Variants in ZNRF1 observed in about 807,000 individuals in gnomAD.
The protein encoded by ZNRF1 is zinc and ring finger 1.
ZNRF1 carries 3 observed loss-of-function variants against 18.4 expected under a neutral mutation model. The ratio of observed to expected loss-of-function variants is 0.16; its 90% confidence interval spans 0.07 to 0.42. The LOEUF (loss-of-function observed/expected upper bound fraction) is 0.42. Ranked by LOEUF, ZNRF1 falls within the 10% of genes least tolerant of loss-of-function variation. The probability of loss-of-function intolerance (pLI) is 0.99; values close to 1 mark genes in which losing one functional copy is unlikely to be tolerated. For synonymous variants in ZNRF1, 157 were observed against 144.2 expected, an observed-to-expected ratio of 1.09 and a Z score of -0.64; for missense variants, 310 against 329.8, an observed-to-expected ratio of 0.94 and a Z score of 0.47.
chr16:75,013,386 C>T (rs753936070), intron 1 of ZNRF1, among the ~76,000 whole-genome samples: 27 of 150,682 alleles, frequency 1.8e-4, no homozygotes, highest in Admixed American at 9.3e-4. Flanking sequence ...CTCACTCTGT[C>T]GCCAGGCTGG....
intron 1 of ZNRF1, among the ~76,000 whole-genome samples, chr16:75,004,552 C>G (rs922541574): frequency 1.3e-4 from 20 of 152,196 alleles, no homozygotes; most frequent in Admixed American, 1.2e-3. Flanking sequence ...AAAGTCTAAA[C>G]TGTTCTTTAT....
chr16:75,072,281 T>G (rs1336669564), intron 1 of ZNRF1, among the ~76,000 whole-genome samples: 2 of 152,126 alleles, frequency 1.3e-5, no homozygotes, highest in African/African-American at 2.4e-5. Context: ...CTGCTTATCT[T>G]TTAGTCTCAG....
chr16:75,072,413 C>A (rs981208090), intron 1 of ZNRF1, among the ~76,000 whole-genome samples: 2 of 152,154 alleles, frequency 1.3e-5, no homozygotes, highest in Non-Finnish European at 2.9e-5. Context: ...TTGTCCCTGT[C>A]GTAATGCTGA....
intron 1 of ZNRF1, among the ~76,000 whole-genome samples, chr16:75,005,994 T>G (rs774402682): frequency 9.2e-5 from 14 of 152,216 alleles, no homozygotes; most frequent in African/African-American, 3.1e-4. Context: ...GTGCAACATG[T>G]GACTGTATTG....
At position 75,109,710 on chromosome 16, in the gene ZNRF1, A is replaced by G. The variant is rs985239122; in HGVS notation, c.*2010A>G. On this transcript the variant is annotated 3_prime_UTR_variant, in exon 5 of 5. Coordinates refer to ENST00000335325, the MANE Select transcript of ZNRF1 (RefSeq NM_032268.5). ...AGAATGATCTTGGGGAAACGACTTC[A>G]TCTGAACTTCAGATATTTCACATGT... 6.6e-6 allele frequency: 1 copy of G among 152,366 alleles called. No individual in the cohort carries two copies. Among genetic ancestry groups the G allele is most frequent in the Non-Finnish European group, 1.5e-5 (1 of 68,106 alleles). 9.4% of individuals were successfully genotyped at this position (152,366 alleles called of 1,614,324 possible).
Position 75,000,118 on chromosome 16 carries a change from C to T in ZNRF1, c.424+23C>T, listed in dbSNP as rs774711905. ...GTGGTGAGTCCGCGGGTGGTGGAGG[C>T]CTCGGAGGGAGGGCGCGCCGGGGCG... On this transcript the variant is annotated intron_variant, in intron 1 of 4. Transcript: ENST00000335325. The T allele has an allele frequency of 2.1e-5, 33 of 1,588,634 alleles. No individual in the cohort carries two copies. The Admixed American group carries it at 3.7e-4, about 18-fold the overall frequency.
chr16:75,007,296 C>G (rs139688026), intron 1 of ZNRF1, among the ~76,000 whole-genome samples: 1 of 152,036 alleles, frequency 6.6e-6, no homozygotes, highest in Non-Finnish European at 1.5e-5. Context: ...CTCAAGCGAT[C>G]CTCCTGCCTC....
intron 1 of ZNRF1, among the ~76,000 whole-genome samples, chr16:75,088,357 A>G (rs1253070703): frequency 3.3e-5 from 5 of 152,218 alleles, no homozygotes. Flanking sequence ...TTAAAAGGTC[A>G]TCTGCAGATT....
At chr16:75,017,222 C>T in intron 1 of ZNRF1, among the ~76,000 whole-genome samples, 1 of 152,018 alleles carries the variant, frequency 6.6e-6, no homozygotes, top group East Asian at 1.9e-4. Flanking sequence ...TTAGAATCAG[C>T]TTTGTTAACT....
chr16:75,060,117 G>C (rs903831215), intron 1 of ZNRF1, among the ~76,000 whole-genome samples: 3 of 151,894 alleles, frequency 2.0e-5, no homozygotes, highest in Admixed American at 2.0e-4. Context: ...GCAGTGACAC[G>C]ATCTCGGCTC....
chr16:75,044,808 G>C (rs1278213549), intron 1 of ZNRF1, among the ~76,000 whole-genome samples: 1 of 152,196 alleles, frequency 6.6e-6, no homozygotes, highest in Non-Finnish European at 1.5e-5. Flanking sequence ...AATGAACCAT[G>C]AATGGAATTC....
At chr16:75,054,604 A>G (rs2035646039) in intron 1 of ZNRF1, among the ~76,000 whole-genome samples, 1 of 152,214 alleles carries the variant, frequency 6.6e-6, no homozygotes, top group Non-Finnish European at 1.5e-5. Context: ...TTCAGGGCCT[A>G]AGGAACCATT....
intron 1 of ZNRF1, among the ~76,000 whole-genome samples, chr16:75,015,651 A>T (rs1597858688): frequency 2.0e-5 from 3 of 152,014 alleles, no homozygotes; most frequent in African/African-American, 7.3e-5. Flanking sequence ...TGGCGCCATC[A>T]CCGCTTACTG....
chr16:75,035,740 TC>T (rs1211623822), intron 1 of ZNRF1, among the ~76,000 whole-genome samples: 1 of 152,184 alleles, frequency 6.6e-6, no homozygotes, highest in Non-Finnish European at 1.5e-5. Flanking sequence ...GGGTTGGCTG[TC>T]CGCATGCGCA....
chr16:75,020,111 G>A (rs1026128363), intron 1 of ZNRF1, among the ~76,000 whole-genome samples: 1 of 152,156 alleles, frequency 6.6e-6, no homozygotes, highest in Admixed American at 6.5e-5. Flanking sequence ...AAACGTGTCT[G>A]CATATAATTT....
chr16:75,078,001 AG>A (rs2035963623), intron 1 of ZNRF1, among the ~76,000 whole-genome samples: 1 of 152,228 alleles, frequency 6.6e-6, no homozygotes, highest in African/African-American at 2.4e-5. Context: ...AAACATTCAC[AG>A]GTTCTGGGGA....
intron 1 of ZNRF1, among the ~76,000 whole-genome samples, chr16:75,068,693 C>G (rs939674521): frequency 3.3e-5 from 5 of 151,916 alleles, no homozygotes; most frequent in Non-Finnish European, 5.9e-5. Flanking sequence ...CTGGGGCTGG[C>G]CCTGGGGTCT....
At chr16:75,005,174 TG>T (rs2034902396) in intron 1 of ZNRF1, among the ~76,000 whole-genome samples, 1 of 152,196 alleles carries the variant, frequency 6.6e-6, no homozygotes, top group Non-Finnish European at 1.5e-5. Flanking sequence ...TCTCCTGCCC[TG>T]CAAAAGTTCT....
intron 1 of ZNRF1, among the ~76,000 whole-genome samples, chr16:75,023,858 C>CT (rs2035187023): frequency 6.6e-6 from 1 of 151,018 alleles, no homozygotes. Context: ...GAATCCTTTT[C>CT]TTTTTTTATT....
Sources: allele counts gnomAD v4.1 joint callset (sites outside exome capture counted in the v4.1 genomes callset), GRCh38; gene constraint gnomAD v4.1.1; transcripts MANE v1.5; gene names NCBI Gene and HGNC (gene_info 2026-07-23, HGNC 2026-07-21).